CMTM4: variants seen among roughly 807,000 people sequenced by gnomAD.
CMTM4 encodes CKLF-like MARVEL transmembrane domain-containing protein 4.
A neutral mutation model predicts 19.0 loss-of-function variants in CMTM4; 8 were observed. That is an observed-to-expected ratio of 0.42 (90% CI 0.25 to 0.76). CMTM4 has a LOEUF of 0.76. Ranked by LOEUF, CMTM4 falls within the 30% of genes least tolerant of loss-of-function variation. The pLI, the probability that CMTM4 is intolerant of heterozygous loss-of-function variation, is 0.27. For synonymous variants in CMTM4, 106 were observed against 121.1 expected (o/e 0.88, Z 0.82); for missense variants, 228 against 290.2 (o/e 0.79, Z 1.56).
chr16:66,692,765 G>A (rs990295055), intron 1 of CMTM4, among the ~76,000 whole-genome samples: 5 of 152,064 alleles, frequency 3.3e-5, no homozygotes, highest in Non-Finnish European at 5.9e-5. Flanking sequence ...AACTTAGCCG[G>A]GCGTGCTAGT....
At position 66,680,695 on chromosome 16, in the gene CMTM4, A is replaced by G. The variant is rs535324795; in HGVS notation, c.186+15645T>C. 4.2e-5 allele frequency among the ~76,000 whole-genome samples: 6 copies of G among 143,376 alleles called. No homozygotes were observed. The East Asian group carries it at 1.3e-3, about 32-fold the overall frequency. The allele number at this position is 143,376 out of a possible 152,430, so 94.1% of individuals were successfully genotyped here. On this transcript the variant is annotated intron_variant, in intron 1 of 3. Coordinates refer to ENST00000394106, the MANE Select transcript of CMTM4 (RefSeq NM_181521.3). Reference sequence around the variant, plus strand: ...AGGCTGAGGCAGGAGAATGGCATGAACCTGGGAGGCAGAGCTTGCAGTGAG... The same window carrying G: ...AGGCTGAGGCAGGAGAATGGCATGAGCCTGGGAGGCAGAGCTTGCAGTGAG...
chr16:66,651,265 T>G, intron 1 of CMTM4, among the ~76,000 whole-genome samples: 1 of 152,178 alleles, frequency 6.6e-6, no homozygotes, highest in South Asian at 2.1e-4. Context: ...TTCACGGTGT[T>G]GAGATGGGGA....
chr16:66,620,582 C>T lies in CMTM4; in HGVS notation c.*1476G>A, dbSNP rs1007367528. On this transcript the variant is annotated 3_prime_UTR_variant, in exon 4 of 4. Coordinates refer to ENST00000394106, the MANE Select transcript of CMTM4 (RefSeq NM_181521.3). The stretch of plus-strand genomic sequence containing the variant: ...GTGACGCTTTCTTGCACAGACCCCC[C>T]GCCGCCCCCTCGGAGTTATTTATTA... 5 of 985,458 alleles carry T rather than the reference C, an allele frequency of 5.1e-6. No individual in the cohort carries two copies. The highest frequency in any genetic ancestry group is 4.8e-6 in the Non-Finnish European group (4 of 830,004). The allele number at this position is 985,458 out of a possible 1,614,324, so 61.0% of individuals were successfully genotyped here.
chr16:66,683,568 C>G (rs985011752), intron 1 of CMTM4, among the ~76,000 whole-genome samples: 1 of 151,622 alleles, frequency 6.6e-6, no homozygotes, highest in African/African-American at 2.4e-5. Context: ...TGGGAGCTAC[C>G]ACGCCCGGCC....
At position 66,656,134 on chromosome 16, in the gene CMTM4, A is replaced by G. The variant is rs11642345; in HGVS notation, c.187-19553T>C. Among the ~76,000 whole-genome samples the G allele has an allele frequency of 4.8e-3, 726 of 152,270 alleles. 2 individuals are homozygous for G. Among genetic ancestry groups the G allele is most frequent in the Middle Eastern group, 6.8e-3 (2 of 294 alleles). On this transcript the variant is annotated intron_variant, in intron 1 of 3. Coordinates refer to ENST00000394106, the MANE Select transcript of CMTM4 (RefSeq NM_181521.3). The stretch of plus-strand genomic sequence containing the variant: ...GAGTATTTGTCTCCAAAAACAAACA[A>G]AAATAATAATTAAGTATTAAAATCA...
intron 1 of CMTM4, among the ~76,000 whole-genome samples, chr16:66,668,429 T>G (rs1045070296): frequency 7.9e-5 from 12 of 152,216 alleles, no homozygotes; most frequent in African/African-American, 1.4e-4. Flanking sequence ...GGATTGTTTT[T>G]GGAAATATCT....
chr16:66,610,026 C>T (rs373587962), downstream of CMTM4: 31 of 1,612,498 alleles, frequency 1.9e-5, no homozygotes, highest in Middle Eastern at 3.3e-4. The surrounding 1 kb of genome is among the most constrained non-coding windows in gnomAD (Gnocchi z 4.6). Context: ...CCTGATCACC[C>T]CAGCAGTGCT....
chr16:66,687,832 C>A (rs1249630876), intron 1 of CMTM4, among the ~76,000 whole-genome samples: 1 of 151,876 alleles, frequency 6.6e-6, no homozygotes, highest in South Asian at 2.1e-4. Flanking sequence ...GGACTACAGG[C>A]GCCTGCCACC....
the CMTM4 span, among the ~76,000 whole-genome samples, chr16:66,600,128 GTGTGTGTGTT>G: frequency 6.9e-6 from 1 of 143,888 alleles, no homozygotes; most frequent in Non-Finnish European, 1.5e-5. Context: ...GTGTGTGTGT[GTGTGTGTGTT>G]TTTTTTTGTT....
chr16:66,648,563 C>G (rs1265168848), intron 1 of CMTM4, among the ~76,000 whole-genome samples: 2 of 151,566 alleles, frequency 1.3e-5, no homozygotes, highest in East Asian at 1.9e-4. Context: ...GAGGCTGAGA[C>G]AGAAGAATCG....
the CMTM4 span, chr16:66,609,689 A>G: frequency 2.6e-6 from 4 of 1,523,844 alleles, no homozygotes; most frequent in African/African-American, 1.4e-5. This position sits in a 1 kb window ranked among gnomAD's most constrained non-coding sequence, Gnocchi z 4.4. Flanking sequence ...GACTGACTCT[A>G]CCCGGGGTTT....
intron 1 of CMTM4, among the ~76,000 whole-genome samples, chr16:66,692,097 GTTTTTT>G (rs963535590): frequency 6.8e-6 from 1 of 146,128 alleles, no homozygotes; most frequent in African/African-American, 2.5e-5. Context: ...AGGTTTTGTT[GTTTTTT>G]TTTTTGAGAT....
At chr16:66,628,509 T>A (rs1473652386) in intron 2 of CMTM4, among the ~76,000 whole-genome samples, 1 of 152,216 alleles carries the variant, frequency 6.6e-6, no homozygotes, top group Non-Finnish European at 1.5e-5. Context: ...TGTAAACATT[T>A]TGTTAACAAG....
At chr16:66,624,394 A>C (rs573177527) in intron 2 of CMTM4, among the ~76,000 whole-genome samples, 1 of 152,380 alleles carries the variant, frequency 6.6e-6, no homozygotes, top group South Asian at 2.1e-4. Flanking sequence ...AAACTGCCTG[A>C]GTGCCAGGCT....
chr16:66,654,965 A>C (rs2016371451), intron 1 of CMTM4, among the ~76,000 whole-genome samples: 1 of 152,028 alleles, frequency 6.6e-6, no homozygotes, highest in African/African-American at 2.4e-5. Context: ...GAACATGTAG[A>C]ATGTACCCGA....
chr16:66,644,727 A>G (rs985619362), intron 1 of CMTM4, among the ~76,000 whole-genome samples: 4 of 152,160 alleles, frequency 2.6e-5, no homozygotes, highest in Admixed American at 2.0e-4. Context: ...AGACAGTTCC[A>G]CCATGCTCCT....
chr16:66,617,606 A>T lies in CMTM4; in HGVS notation c.*4452T>A. 8.1e-7 allele frequency: 1 copy of T among 1,233,344 alleles called. No homozygotes were observed. Among genetic ancestry groups the T allele is most frequent in the Non-Finnish European group, 1.0e-6 (1 of 981,096 alleles). The allele number at this position is 1,233,344 out of a possible 1,614,324, so 76.4% of individuals were successfully genotyped here. Reference sequence around the variant, plus strand: ...AGTTTCTAAATAAAAGAAACATAAAAGGTCAAATATTTTAAATTACTTTCT... The same window carrying T: ...AGTTTCTAAATAAAAGAAACATAAATGGTCAAATATTTTAAATTACTTTCT... On this transcript the variant is annotated 3_prime_UTR_variant, in exon 4 of 4. Transcript: ENST00000394106.
chr16:66,617,828 C>A lies in CMTM4; in HGVS notation c.*4230G>T. On this transcript the variant is annotated 3_prime_UTR_variant, in exon 4 of 4. Coordinates refer to ENST00000394106, the MANE Select transcript of CMTM4 (RefSeq NM_181521.3). ...TCCTGAGCCAGATGCCAGGAGCTCA[C>A]CCACAGGACGGGAAAGACCTGTCCC... 1 of 995,372 alleles carries A rather than the reference C, an allele frequency of 1.0e-6. No individual in the cohort carries two copies. Among genetic ancestry groups the A allele is most frequent in the Non-Finnish European group, 1.2e-6 (1 of 836,404 alleles). The allele number at this position is 995,372 out of a possible 1,614,324, so 61.7% of individuals were successfully genotyped here. A position where few individuals can be genotyped will look rare whatever the true frequency, so the allele number is the denominator to read the frequency against.
intron 3 of CMTM4, among the ~76,000 whole-genome samples, chr16:66,623,174 T>C (rs1401983861): frequency 6.6e-6 from 1 of 152,212 alleles, no homozygotes; most frequent in Non-Finnish European, 1.5e-5. Flanking sequence ...TCTGACTCAG[T>C]AGCTCTGGAG....
Sources: allele counts gnomAD v4.1 joint callset (sites outside exome capture counted in the v4.1 genomes callset), GRCh38; gene constraint gnomAD v4.1.1; non-coding constraint Gnocchi (gnomAD v3.1); transcripts MANE v1.5; gene names NCBI Gene and HGNC (gene_info 2026-07-23, HGNC 2026-07-21).